UBE4B: variants seen among roughly 807,000 people sequenced by gnomAD.
The protein encoded by UBE4B is ubiquitin conjugation factor E4 B.
In UBE4B, 27 loss-of-function variants were observed where a neutral mutation model predicts 148.1. That is an observed-to-expected ratio of 0.18 (90% CI 0.13 to 0.25). UBE4B has a LOEUF of 0.25. UBE4B is among the 10% of genes least tolerant of loss of function. The probability of loss-of-function intolerance (pLI) is 1.00; values close to 1 mark genes in which losing one functional copy is unlikely to be tolerated. For missense variants in UBE4B, 1,170 were observed against 1,662.4 expected, an observed-to-expected ratio of 0.70 and a Z score of 5.15; for synonymous variants, 596 against 619.3, an observed-to-expected ratio of 0.96 and a Z score of 0.56.
intron 21 of UBE4B, among the ~76,000 whole-genome samples, chr1:10,155,084 AGTGTGT>A (rs144718535): frequency 1.2e-4 from 17 of 146,296 alleles, no homozygotes; most frequent in East Asian, 4.0e-4. Flanking sequence ...AGAGAGAGAG[AGTGTGT>A]GTGTGTGTGT....
intron 8 of UBE4B, 148 bp downstream of exon 8, chr1:10,117,748 A>T: frequency 9.8e-7 from 1 of 1,019,066 alleles, no homozygotes; most frequent in Non-Finnish European, 1.4e-6. Flanking sequence ...GGAACTTAGG[A>T]TGTGTCGATG....
At chr1:10,092,556 C>T (rs989171783) in intron 2 of UBE4B, among the ~76,000 whole-genome samples, 1 of 151,596 alleles carries the variant, frequency 6.6e-6, no homozygotes, top group Non-Finnish European at 1.5e-5. Context: ...GGCCAGGCAC[C>T]GTGGCTTATG....
chr1:10,157,040 G>A (rs1646084801), intron 21 of UBE4B, among the ~76,000 whole-genome samples: 1 of 152,116 alleles, frequency 6.6e-6, no homozygotes, highest in Admixed American at 6.6e-5. Flanking sequence ...TTTTGAGACA[G>A]AGTCTTGCTT....
At chr1:10,047,570 G>A (rs1013233149) in intron 1 of UBE4B, among the ~76,000 whole-genome samples, 28 of 135,390 alleles carry the variant, frequency 2.1e-4, no homozygotes, top group Non-Finnish European at 3.2e-4. Context: ...TCGGCTCACC[G>A]CAAGCTCCGC....
At chr1:10,097,365 A>G (rs1644945533) in intron 3 of UBE4B, among the ~76,000 whole-genome samples, 1 of 152,172 alleles carries the variant, frequency 6.6e-6, no homozygotes, top group Non-Finnish European at 1.5e-5. Flanking sequence ...AAAAAAGACA[A>G]CAGGGGTCCA....
chr1:10,131,776 C>T (rs888365004), intron 14 of UBE4B, among the ~76,000 whole-genome samples: 2 of 152,048 alleles, frequency 1.3e-5, no homozygotes, highest in African/African-American at 4.8e-5. Context: ...CATGGTGAAA[C>T]CCCATCTCTA....
rs1285495033 is a variant in UBE4B at position 10,106,060 on chromosome 1, A to G, written c.810-137A>G. The G allele has an allele frequency of 7.7e-6, 8 of 1,033,178 alleles. No individual in the cohort carries two copies. The highest frequency in any genetic ancestry group is 1.1e-5 in the Non-Finnish European group (8 of 729,400). 64.0% of individuals were successfully genotyped at this position (1,033,178 alleles called of 1,614,324 possible). ...TCAATAGGGCAATTAGATTATAATT[A>G]TTTAGATGTTTATCTGCTAGATATA... On this transcript the variant is annotated intron_variant, in intron 6 of 27. Coordinates refer to ENST00000343090, the MANE Select transcript of UBE4B (RefSeq NM_001105562.3). This position sits in a 1 kb window ranked among gnomAD's most constrained non-coding sequence, Gnocchi z 4.2.
intron 1 of UBE4B, among the ~76,000 whole-genome samples, chr1:10,037,459 T>C (rs992758276): frequency 2.1e-4 from 32 of 152,234 alleles, no homozygotes; most frequent in African/African-American, 7.7e-4. Context: ...GTTCATTCTC[T>C]TCAGGAACCT....
intron 1 of UBE4B, among the ~76,000 whole-genome samples, chr1:10,033,903 T>A (rs570572763): frequency 6.6e-6 from 1 of 152,230 alleles, no homozygotes; most frequent in South Asian, 2.1e-4. Flanking sequence ...GAACTCCATT[T>A]GCTTCTTTCC....
At chr1:10,076,774 T>G (rs986950351) in intron 2 of UBE4B, among the ~76,000 whole-genome samples, 1 of 146,484 alleles carries the variant, frequency 6.8e-6, no homozygotes, top group Admixed American at 6.9e-5. Context: ...GAGATGGAGT[T>G]TCGCTCTTGT....
At position 10,106,350 on chromosome 1, in the gene UBE4B, G is replaced by A. The variant is rs751462584; in HGVS notation, c.963G>A (p.Ala321=). The A allele has an allele frequency of 1.2e-5, 20 of 1,613,820 alleles. No individual in the cohort carries two copies. The East Asian group carries it at 1.6e-4, about 13-fold the overall frequency. The change falls in exon 7 of 28, where the codon GCG becomes GCA. Residue 321 remains alanine, a synonymous_variant. Coordinates refer to ENST00000343090, the MANE Select transcript of UBE4B (RefSeq NM_001105562.3). This position sits in a 1 kb window ranked among gnomAD's most constrained non-coding sequence, Gnocchi z 4.2. ...SPHSAASGTA[A]GSQPSSPRYR... is the part of the protein sequence containing the mutation. ...ACAGTGCAGCCTCTGGAACTGCTGC[G>A]GGAAGCCAGCCTTCATCCCCGCGGT...
chr1:10,171,618 A>T (rs953660630), intron 25 of UBE4B, among the ~76,000 whole-genome samples: 2 of 152,224 alleles, frequency 1.3e-5, no homozygotes, highest in Admixed American at 6.5e-5. Context: ...ACGGTGGCTC[A>T]CGCCTGTAAT....
chr1:10,051,763 T>TGA, intron 1 of UBE4B, among the ~76,000 whole-genome samples: 1 of 152,296 alleles, frequency 6.6e-6, no homozygotes, highest in Middle Eastern at 3.4e-3. Flanking sequence ...GAATACAGCC[T>TGA]GAGGTGACAC....
At chr1:10,175,495 C>CAAAAA (rs376879441) in intron 25 of UBE4B, among the ~76,000 whole-genome samples, 3 of 149,374 alleles carry the variant, frequency 2.0e-5, no homozygotes. Flanking sequence ...ACTAAAAATA[C>CAAAAA]AAAAAATTAG....
intron 25 of UBE4B, among the ~76,000 whole-genome samples, chr1:10,174,075 T>C (rs1296388648): frequency 6.6e-6 from 1 of 152,166 alleles, no homozygotes; most frequent in African/African-American, 2.4e-5. Flanking sequence ...CATGTGCCAG[T>C]GACACATGGA....
At chr1:10,103,993 C>T (rs539576595) in intron 5 of UBE4B, among the ~76,000 whole-genome samples, 2 of 151,796 alleles carry the variant, frequency 1.3e-5, no homozygotes, top group African/African-American at 4.8e-5. Flanking sequence ...ATCTCTTGAC[C>T]TCGTGATCTG....
chr1:10,102,361 T>C (rs1254440221), intron 4 of UBE4B, among the ~76,000 whole-genome samples: 3 of 149,646 alleles, frequency 2.0e-5, no homozygotes, highest in Non-Finnish European at 4.5e-5. Flanking sequence ...CACATATTTT[T>C]CCTTGGTGAC....
intron 7 of UBE4B, among the ~76,000 whole-genome samples, chr1:10,115,414 A>G (rs1459224705): frequency 1.3e-5 from 2 of 151,806 alleles, no homozygotes; most frequent in African/African-American, 4.8e-5. Flanking sequence ...GATTACAGGC[A>G]CACGCCACCA....
intron 17 of UBE4B, among the ~76,000 whole-genome samples, chr1:10,138,540 C>T (rs1645733958): frequency 6.6e-6 from 1 of 152,044 alleles, no homozygotes; most frequent in Non-Finnish European, 1.5e-5. Flanking sequence ...GGCCTAAAAT[C>T]ACTTACTAAT....
Sources: allele counts gnomAD v4.1 joint callset (sites outside exome capture counted in the v4.1 genomes callset), GRCh38; gene constraint gnomAD v4.1.1; non-coding constraint Gnocchi (gnomAD v3.1); transcripts MANE v1.5; gene names NCBI Gene and HGNC (gene_info 2026-07-23, HGNC 2026-07-21).